The following UNC79 variants were observed in gnomAD, a reference collection of about 807,000 sequenced individuals.
UNC79 encodes protein unc-79 homolog.
Under a neutral mutation model 283.1 loss-of-function variants are expected in UNC79, and 37 were observed. That is an observed-to-expected ratio of 0.13 (90% confidence interval 0.10 to 0.17). The LOEUF (loss-of-function observed/expected upper bound fraction) is 0.17, where lower values mean the gene tolerates loss of function less well. UNC79 is among the 10% of genes least tolerant of loss of function. The pLI, the probability that UNC79 is intolerant of heterozygous loss-of-function variation, is 1.00. For synonymous variants in UNC79, 1,107 were observed against 1,200.2 expected, an observed-to-expected ratio of 0.92 and a Z score of 1.61; for missense variants, 2,272 against 3,211.1, an observed-to-expected ratio of 0.71 and a Z score of 7.07.
intron 30 of UNC79, among the ~76,000 whole-genome samples, chr14:93,624,186 A>G (rs2067362348): frequency 6.6e-6 from 1 of 152,150 alleles, no homozygotes; most frequent in Non-Finnish European, 1.5e-5. Flanking sequence ...TGCCCCAGGC[A>G]TTTCCAGAGG....
At chr14:93,499,050 C>T (rs2059162112) in intron 7 of UNC79, among the ~76,000 whole-genome samples, 1 of 152,100 alleles carries the variant, frequency 6.6e-6, no homozygotes, top group African/African-American at 2.4e-5. Context: ...ATTTACGTTC[C>T]CGATGAAAGA....
At chr14:93,613,162 C>T (rs957423665) in intron 27 of UNC79, 79 bp downstream of exon 28, 10 of 1,563,358 alleles carry the variant, frequency 6.4e-6, no homozygotes, top group African/African-American at 2.7e-5. Flanking sequence ...ATGTAGCCAA[C>T]GTTGGTTCAG....
chr14:93,447,968 G>A (rs1351988033), intron 1 of UNC79, among the ~76,000 whole-genome samples: 2 of 152,048 alleles, frequency 1.3e-5, no homozygotes, highest in African/African-American at 4.8e-5. Flanking sequence ...ATTGGCATGG[G>A]CCTCTGGGTG....
chr14:93,346,458 G>T (rs1202760547), intron 1 of UNC79, among the ~76,000 whole-genome samples: 1 of 152,148 alleles, frequency 6.6e-6, no homozygotes, highest in East Asian at 1.9e-4. Flanking sequence ...GATCAGCCTG[G>T]GTGACACAGT....
chr14:93,346,976 T>G (rs2053849865), intron 1 of UNC79, among the ~76,000 whole-genome samples: 2 of 140,624 alleles, frequency 1.4e-5, no homozygotes, highest in Admixed American at 1.4e-4. Context: ...AGAGCAGGGG[T>G]GTGCTGGGTG....
At chr14:93,476,793 G>T (rs914524420) in intron 3 of UNC79, among the ~76,000 whole-genome samples, 1 of 152,078 alleles carries the variant, frequency 6.6e-6, no homozygotes, top group African/African-American at 2.4e-5. Flanking sequence ...AAATAGTTAT[G>T]GTTTTGTTGC....
At chr14:93,494,376 A>T (rs1207476957) in intron 5 of UNC79, among the ~76,000 whole-genome samples, 1 of 152,122 alleles carries the variant, frequency 6.6e-6, no homozygotes, top group Non-Finnish European at 1.5e-5. Flanking sequence ...ACAGATGCAA[A>T]CTGTAACAGT....
chr14:93,623,719 C>T (rs2067317156), intron 30 of UNC79, among the ~76,000 whole-genome samples: 1 of 152,068 alleles, frequency 6.6e-6, no homozygotes, highest in Non-Finnish European at 1.5e-5. Context: ...ATAGTGAAAC[C>T]CCGTCTCTAC....
intron 8 of UNC79, among the ~76,000 whole-genome samples, chr14:93,526,286 C>T (rs1389247525): frequency 1.3e-5 from 2 of 152,048 alleles, no homozygotes; most frequent in African/African-American, 4.8e-5. Context: ...AGTGTGAGTC[C>T]GCCCAATCCA....
At chr14:93,341,857 A>G (rs2053719954) in intron 1 of UNC79, among the ~76,000 whole-genome samples, 1 of 152,192 alleles carries the variant, frequency 6.6e-6, no homozygotes, top group Non-Finnish European at 1.5e-5. Flanking sequence ...TTTTGACTCC[A>G]TGTCTCACAT....
At chr14:93,397,761 ATTT>A (rs35050949) in intron 1 of UNC79, among the ~76,000 whole-genome samples, 1 of 139,202 alleles carries the variant, frequency 7.2e-6, no homozygotes. Flanking sequence ...GGTTGGAGTC[ATTT>A]TTTTTTTTTT....
intron 1 of UNC79, among the ~76,000 whole-genome samples, chr14:93,352,446 C>T (rs1390913705): frequency 7.2e-5 from 11 of 152,188 alleles, no homozygotes; most frequent in Middle Eastern, 3.4e-3. Context: ...TGTTTTGAAC[C>T]GTTTGACACT....
At chr14:93,537,865 G>C in intron 11 of UNC79, 124 bp from the exon 12 acceptor site, 5 of 901,494 alleles carry the variant, frequency 5.5e-6, no homozygotes, top group Non-Finnish European at 8.2e-6. Flanking sequence ...CTGCGCTTTG[G>C]AAACTAGTGG....
At chr14:93,604,869 TA>T in intron 26 of UNC79, 26 bp from the exon 27 acceptor site, 1 of 1,552,256 alleles carries the variant, frequency 6.4e-7, no homozygotes, top group Non-Finnish European at 8.7e-7. Flanking sequence ...AATGCTTATT[TA>T]AATAGAGTTG....
chr14:93,526,178 C>T (rs2060538063), intron 8 of UNC79, among the ~76,000 whole-genome samples: 1 of 152,080 alleles, frequency 6.6e-6, no homozygotes. Flanking sequence ...TATTTTAATT[C>T]TACACTTTGC....
chr14:93,356,885 T>A (rs1302200217), intron 1 of UNC79, among the ~76,000 whole-genome samples: 1 of 152,164 alleles, frequency 6.6e-6, no homozygotes, highest in Non-Finnish European at 1.5e-5. Context: ...GGTTTGGGGG[T>A]ACATGTGCAG....
chr14:93,584,353 C>T (rs138594535), intron 20 of UNC79, among the ~76,000 whole-genome samples: 105 of 152,312 alleles, frequency 6.9e-4, no homozygotes, highest in African/African-American at 2.3e-3. Context: ...AACAAAAGCT[C>T]CACTCCCCAG....
intron 4 of UNC79, among the ~76,000 whole-genome samples, chr14:93,486,656 GGAAAAAAAAA>G (rs1162543467): frequency 1.7e-4 from 13 of 78,512 alleles, no homozygotes; most frequent in East Asian, 5.8e-4. Context: ...CTCTGTCTAA[GGAAAAAAAAA>G]AAAAAAAAAA....
exon 20 of UNC79, chr14:93,582,326 G>A (rs1322471069): frequency 6.8e-6 from 11 of 1,613,996 alleles, no homozygotes; most frequent in African/African-American, 2.7e-5. Flanking sequence ...CAACTGCACC[G>A]AGCCCGTGGA....
Sources: gnomAD v4.1 joint callset for allele counts (sites outside exome capture counted in the v4.1 genomes callset) on GRCh38, gnomAD v4.1.1 for gene constraint, MANE v1.5 for transcripts, NCBI Gene and HGNC (gene_info 2026-07-23, HGNC 2026-07-21) for gene names.